CDK7: variants seen among roughly 807,000 people sequenced by gnomAD.
The protein encoded by CDK7 is cyclin dependent kinase 7, also known as cyclin-dependent kinase 7.
CDK7 carries 25 observed loss-of-function variants against 49.1 expected under a neutral mutation model. That is an observed-to-expected ratio of 0.51 (90% CI 0.37 to 0.71). The LOEUF (loss-of-function observed/expected upper bound fraction) is 0.71. CDK7 is among the 30% of genes least tolerant of loss of function. The pLI is 0.00. For missense variants in CDK7, 316 were observed against 411.7 expected (o/e 0.77, Z 2.01); for synonymous variants, 107 against 140.0 (o/e 0.76, Z 1.67).
chr5:69,252,000 G>A (rs145939835), intron 2 of CDK7, among the ~76,000 whole-genome samples: 31 of 152,204 alleles, frequency 2.0e-4, no homozygotes, highest in African/African-American at 7.5e-4. Flanking sequence ...TTTGAAAAAT[G>A]TGGTGTCTAA....
At chr5:69,254,060 A>G in intron 3 of CDK7, among the ~76,000 whole-genome samples, 1 of 152,188 alleles carries the variant, frequency 6.6e-6, no homozygotes, top group Non-Finnish European at 1.5e-5. Context: ...AGATCATGCC[A>G]CTGCACTCCA....
At position 69,262,251 on chromosome 5, in the gene CDK7, G is replaced by T; in HGVS notation, c.574G>T (p.Val192Leu). 4 of 1,614,098 alleles carry T rather than the reference G, an allele frequency of 2.5e-6. No homozygotes were observed. The highest frequency in any genetic ancestry group is 3.4e-6 in the Non-Finnish European group (4 of 1,180,002). Residue 192 changes from valine (V) to leucine (L), a missense_variant, in exon 8 of 12, where the codon GTA (valine) becomes TTA (leucine). Physicochemically the swap from Val to Leu is conservative, Grantham distance 32. Coordinates refer to ENST00000256443, the MANE Select transcript of CDK7 (RefSeq NM_001799.4). Reference sequence around the variant, plus strand: ...ACTATTTGGAGCTAGGATGTATGGTGTAGGTGTGGACATGTGGGCTGTTGG... The same window carrying T: ...ACTATTTGGAGCTAGGATGTATGGTTTAGGTGTGGACATGTGGGCTGTTGG... ...ELLFGARMYG[V>L]GVDMWAVGCI...
chr5:69,262,151 G>A lies in CDK7; in HGVS notation c.528-54G>A. ...CAAGGATCGTTCATCCCTAGAGATA[G>A]AAGTGCTTTGATAATTTCATGCTAA... On this transcript the variant is annotated intron_variant, in intron 7 of 11. Coordinates refer to ENST00000256443, the MANE Select transcript of CDK7 (RefSeq NM_001799.4). The A allele has an allele frequency of 1.9e-6, 3 of 1,610,326 alleles. No homozygotes were observed. The South Asian group carries it at 3.3e-5, about 18-fold the overall frequency.
At chr5:69,236,645 A>T (rs971646098) in intron 2 of CDK7, among the ~76,000 whole-genome samples, 22 of 140,486 alleles carry the variant, frequency 1.6e-4, no homozygotes, top group African/African-American at 7.1e-4. Flanking sequence ...TTTATTTTTT[A>T]TTTTATTTTA....
intron 2 of CDK7, among the ~76,000 whole-genome samples, chr5:69,249,846 C>G (rs1410891343): frequency 1.3e-5 from 2 of 152,196 alleles, no homozygotes; most frequent in Non-Finnish European, 2.9e-5. Context: ...AACTCCGTCT[C>G]CAAAAAACAA....
chr5:69,248,904 A>G (rs1749947230), intron 2 of CDK7, among the ~76,000 whole-genome samples: 1 of 147,534 alleles, frequency 6.8e-6, no homozygotes, highest in African/African-American at 2.5e-5. Flanking sequence ...CCTGGGTTCA[A>G]GTGATTCTCC....
At chr5:69,235,992 G>T (rs971241360) in intron 2 of CDK7, among the ~76,000 whole-genome samples, 1 of 152,182 alleles carries the variant, frequency 6.6e-6, no homozygotes, top group African/African-American at 2.4e-5. Context: ...TGTAATCCCA[G>T]CACTTTGGGA....
chr5:69,250,484 G>A (rs1434979116), intron 2 of CDK7, among the ~76,000 whole-genome samples: 1 of 152,112 alleles, frequency 6.6e-6, no homozygotes. Flanking sequence ...GGGGATTATT[G>A]CCAGGGTACC....
At chr5:69,269,918 T>C (rs759909665) in intron 9 of CDK7, among the ~76,000 whole-genome samples, 1 of 151,210 alleles carries the variant, frequency 6.6e-6, no homozygotes, top group Non-Finnish European at 1.5e-5. Flanking sequence ...CTTACTGATG[T>C]TTCTCTTTGA....
Position 69,269,304 on chromosome 5 carries a change from A to G in CDK7, c.714+11A>G, listed in dbSNP as rs779495243. The G allele has an allele frequency of 1.3e-6, 2 of 1,586,492 alleles. No homozygotes were observed. Among genetic ancestry groups the G allele is most frequent in the Non-Finnish European group, 8.6e-7 (1 of 1,163,226 alleles). On this transcript the variant is annotated intron_variant, in intron 9 of 11. Coordinates refer to ENST00000256443, the MANE Select transcript of CDK7 (RefSeq NM_001799.4). Reference sequence around the variant, plus strand: ...GAGGAACAGTGGCCGGTAAGCCTTTATGCATTTTCTTTGAAATGTAATTAG... The same window carrying G: ...GAGGAACAGTGGCCGGTAAGCCTTTGTGCATTTTCTTTGAAATGTAATTAG...
At chr5:69,235,935 T>C (rs1299580468) in intron 2 of CDK7, among the ~76,000 whole-genome samples, 1 of 152,208 alleles carries the variant, frequency 6.6e-6, no homozygotes, top group South Asian at 2.1e-4. Context: ...TAGCTTCTTA[T>C]ATTCATTCAA....
At chr5:69,269,400 T>C in intron 9 of CDK7, 107 bp downstream of exon 9, 1 of 695,834 alleles carries the variant, frequency 1.4e-6, no homozygotes, top group Non-Finnish European at 2.4e-6. Context: ...AGACATTCAT[T>C]ATAATATGTA....
intron 8 of CDK7, among the ~76,000 whole-genome samples, chr5:69,268,834 C>CA (rs56877264): frequency 0.31 from 36,887 of 120,420 alleles, 6,545 homozygotes; most frequent in African/African-American, 0.49. Flanking sequence ...GAGACTGTCT[C>CA]AAAAAAAAAA....
intron 3 of CDK7, among the ~76,000 whole-genome samples, chr5:69,254,262 G>A (rs1225154498): frequency 6.6e-6 from 1 of 152,024 alleles, no homozygotes; most frequent in East Asian, 1.9e-4. Context: ...GGTGGCTCAC[G>A]CCTGTAATCC....
chr5:69,269,486 A>G (rs1369514481), intron 9 of CDK7, among the ~76,000 whole-genome samples, 193 bp downstream of exon 9: 1 of 152,192 alleles, frequency 6.6e-6, no homozygotes, highest in African/African-American at 2.4e-5. Flanking sequence ...TCTTGTATAC[A>G]TGTAGTCCTT....
At chr5:69,235,274 T>A in intron 1 of CDK7, 120 bp from the exon 2 acceptor site, 1 of 850,384 alleles carries the variant, frequency 1.2e-6, no homozygotes, top group Middle Eastern at 2.5e-4. Context: ...CCCGCCACGT[T>A]TCCAGCCGCC....
In CDK7 at chr5:69,259,846, A is replaced by T; in HGVS notation, c.437A>T (p.Asp146Val). The T allele has an allele frequency of 6.2e-7, 1 of 1,614,046 alleles. No homozygotes were observed. Among genetic ancestry groups the T allele is most frequent in the South Asian group, 1.1e-5 (1 of 91,072 alleles). ...CTGAAACCAAACAACTTGTTGCTAG[A>T]TGAAAATGGAGTTCTAAAACTGGCA... ...RDLKPNNLLL[D>V]ENGVLKLADF... The change falls in exon 7 of 12, where the codon GAT (aspartate) becomes GTT (valine). Residue 146 changes from aspartate to valine, a missense_variant. Transcript: ENST00000256443.
Position 69,258,028 on chromosome 5 carries a change from A to C in CDK7, c.298-15A>C. Reference sequence around the variant, plus strand: ...ATAATAAAGGGTACCTGTATATTGTATACTTGCTTTACAGGTTATAATAAA... The same window carrying C: ...ATAATAAAGGGTACCTGTATATTGTCTACTTGCTTTACAGGTTATAATAAA... On this transcript the variant is annotated splice_polypyrimidine_tract_variant and intron_variant, in intron 5 of 11. Transcript: ENST00000256443. 8.2e-7 allele frequency: 1 copy of C among 1,219,702 alleles called. No homozygotes were observed. Among genetic ancestry groups the C allele is most frequent in the Non-Finnish European group, 1.2e-6 (1 of 835,612 alleles). 75.6% of individuals were successfully genotyped at this position (1,219,702 alleles called of 1,614,324 possible). A position where few individuals can be genotyped will look rare whatever the true frequency, so the allele number is the denominator to read the frequency against.
Position 69,262,204 on chromosome 5 carries a change from G to A in CDK7, c.528-1G>A. The A allele has an allele frequency of 6.2e-7, 1 of 1,613,438 alleles. No individual in the cohort carries two copies. The highest frequency in any genetic ancestry group is 8.5e-7 in the Non-Finnish European group (1 of 1,180,002). On this transcript the variant is annotated splice_acceptor_variant, in intron 7 of 11. Coordinates refer to ENST00000256443, the MANE Select transcript of CDK7 (RefSeq NM_001799.4). LOFTEE classifies it high-confidence loss of function. ...TGATACTAATTCTTTTTGTTCTTTA[G>A]GTGGTATCGGGCCCCCGAGTTACTA...
Sources: gnomAD v4.1 joint callset for allele counts (sites outside exome capture counted in the v4.1 genomes callset) on GRCh38, gnomAD v4.1.1 for gene constraint, MANE v1.5 for transcripts, NCBI Gene and HGNC (gene_info 2026-07-23, HGNC 2026-07-21) for gene names.